Variants in PTGER3 observed in about 807,000 individuals in gnomAD.
PTGER3 encodes prostaglandin E receptor 3.
PTGER3 carries 22 observed loss-of-function variants against 34.7 expected under a neutral mutation model. The ratio of observed to expected loss-of-function variants is 0.63; its 90% CI spans 0.45 to 0.91. The LOEUF (loss-of-function observed/expected upper bound fraction) is 0.91, where lower values mean the gene tolerates loss of function less well. PTGER3 is among the 40% of genes least tolerant of loss of function. The pLI, the probability that PTGER3 is intolerant of heterozygous loss-of-function variation, is 0.00. For missense variants in PTGER3, 468 were observed against 519.4 expected (o/e 0.90, Z 0.96); for synonymous variants, 241 against 230.1 (o/e 1.05, Z -0.43).
At chr1:71,004,913 C>A (rs538753237) in intron 2 of PTGER3, among the ~76,000 whole-genome samples, 66 of 152,308 alleles carry the variant, frequency 4.3e-4, no homozygotes, top group African/African-American at 1.6e-3. Flanking sequence ...AATGCCAGAA[C>A]AGTGCCTATG....
chr1:70,908,042 G>A (rs988085991), intron 4 of PTGER3, among the ~76,000 whole-genome samples: 1 of 152,146 alleles, frequency 6.6e-6, no homozygotes, highest in African/African-American at 2.4e-5. Flanking sequence ...GTTCATGCAA[G>A]ACAGGCTTCC....
intron 4 of PTGER3, chr1:70,862,296 A>G (rs749451922): frequency 4.1e-5 from 55 of 1,331,208 alleles, no homozygotes; most frequent in Non-Finnish European, 5.5e-5. Flanking sequence ...TTTGGAGATC[A>G]TGACTTACAT....
At chr1:70,899,630 A>G (rs1285196678) in intron 4 of PTGER3, among the ~76,000 whole-genome samples, 1 of 152,038 alleles carries the variant, frequency 6.6e-6, no homozygotes, top group Non-Finnish European at 1.5e-5. Flanking sequence ...TTTTACTCTT[A>G]AGGAGCTTTT....
intron 4 of PTGER3, among the ~76,000 whole-genome samples, chr1:70,900,340 C>A (rs1395859096): frequency 6.6e-6 from 1 of 152,038 alleles, no homozygotes; most frequent in Non-Finnish European, 1.5e-5. Context: ...ACTATGTATA[C>A]AATAGGGCTG....
intron 2 of PTGER3, among the ~76,000 whole-genome samples, chr1:70,955,383 A>C (rs947586541): frequency 4.2e-4 from 64 of 152,308 alleles, no homozygotes; most frequent in African/African-American, 1.5e-3. Context: ...ATAGATTCTC[A>C]TCATTCTAGA....
intron 2 of PTGER3, chr1:71,007,158 T>A (rs1481283153): frequency 1.0e-6 from 1 of 985,720 alleles, no homozygotes; most frequent in Non-Finnish European, 1.2e-6. Flanking sequence ...AAGAACACTA[T>A]GCTTTTGATA....
intron 2 of PTGER3, chr1:71,010,793 G>C (rs1284080687): frequency 1.0e-6 from 1 of 984,772 alleles, no homozygotes; most frequent in East Asian, 1.1e-4. Flanking sequence ...AATTTGACAT[G>C]GTCATTTAAA....
chr1:70,913,938 G>A (rs965508590), intron 4 of PTGER3, among the ~76,000 whole-genome samples: 15 of 151,812 alleles, frequency 9.9e-5, no homozygotes, highest in African/African-American at 3.4e-4. Flanking sequence ...TTGCACTCTT[G>A]TAACGTCTTT....
At chr1:70,886,177 A>T (rs1646495044) in intron 4 of PTGER3, 2 of 336,840 alleles carry the variant, frequency 5.9e-6, no homozygotes, top group South Asian at 4.5e-5. Context: ...TGCCCTTTTA[A>T]GAAGAGACAA....
chr1:70,876,413 C>T (rs1025609949), intron 4 of PTGER3, among the ~76,000 whole-genome samples: 1 of 150,424 alleles, frequency 6.6e-6, no homozygotes, highest in South Asian at 2.1e-4. Flanking sequence ...TTGATAGTTT[C>T]TTTTGCTGTG....
At chr1:70,905,651 G>A (rs1557644924) in intron 4 of PTGER3, among the ~76,000 whole-genome samples, 1 of 152,060 alleles carries the variant, frequency 6.6e-6, no homozygotes, top group Non-Finnish European at 1.5e-5. Flanking sequence ...GGGAGTGGCT[G>A]TATCTACCCA....
At chr1:70,874,947 T>G (rs1433798363) in intron 4 of PTGER3, among the ~76,000 whole-genome samples, 1 of 152,212 alleles carries the variant, frequency 6.6e-6, no homozygotes, top group Non-Finnish European at 1.5e-5. Flanking sequence ...AGCTCTCCTT[T>G]GGGTTTTCTA....
At position 70,971,354 on chromosome 1, in the gene PTGER3, G is replaced by T. The variant is rs1371513177; in HGVS notation, c.*376C>A. On this transcript the variant is annotated 3_prime_UTR_variant, in exon 4 of 4. Coordinates refer to ENST00000306666, the MANE Select transcript of PTGER3 (RefSeq NM_198719.2). ...GATTTTTCAAACTCATATTGCAAAA[G>T]CAAGCTATCATGAAATGTAAAGATG... is the stretch of plus-strand genomic sequence containing the variant. The T allele has an allele frequency of 3.0e-6, 3 of 1,004,264 alleles. No homozygotes were observed. Among genetic ancestry groups the T allele is most frequent in the Non-Finnish European group, 3.6e-6 (3 of 842,862 alleles). The allele number at this position is 1,004,264 out of a possible 1,614,324, so 62.2% of individuals were successfully genotyped here.
At chr1:71,004,526 A>T (rs1656768263) in intron 2 of PTGER3, among the ~76,000 whole-genome samples, 1 of 152,252 alleles carries the variant, frequency 6.6e-6, no homozygotes, top group South Asian at 2.1e-4. Context: ...CAGACTAAAT[A>T]TGCAAACATC....
intron 4 of PTGER3, among the ~76,000 whole-genome samples, chr1:70,932,564 C>T (rs968222931): frequency 3.9e-5 from 6 of 152,034 alleles, no homozygotes; most frequent in African/African-American, 4.8e-5. Flanking sequence ...TACATGGTGG[C>T]GGCAAGAGAA....
At chr1:70,893,224 T>G (rs985037777) in intron 4 of PTGER3, among the ~76,000 whole-genome samples, 5 of 152,188 alleles carry the variant, frequency 3.3e-5, no homozygotes, top group African/African-American at 1.2e-4. Flanking sequence ...TTTCTAATAA[T>G]CCATGTGGGG....
intron 4 of PTGER3, among the ~76,000 whole-genome samples, chr1:70,917,819 A>G (rs1010852582): frequency 3.9e-5 from 6 of 152,106 alleles, no homozygotes; most frequent in African/African-American, 1.4e-4. Flanking sequence ...ATATTTTTAC[A>G]TACATCTGTC....
chr1:71,007,196 C>A (rs1657045035), intron 2 of PTGER3: 2 of 985,584 alleles, frequency 2.0e-6, no homozygotes, highest in Non-Finnish European at 2.4e-6. Context: ...GATTAAAGTG[C>A]CAATGATTTC....
chr1:70,883,984 C>G (rs1470871622), intron 4 of PTGER3: 2 of 324,694 alleles, frequency 6.2e-6, no homozygotes, highest in South Asian at 4.8e-5. Context: ...ATCACTTGAA[C>G]CCAGGAGGCG....
Sources: gnomAD v4.1 joint callset for allele counts (sites outside exome capture counted in the v4.1 genomes callset) on GRCh38, gnomAD v4.1.1 for gene constraint, MANE v1.5 for transcripts, NCBI Gene and HGNC (gene_info 2026-07-23, HGNC 2026-07-21) for gene names.